The following GAREM1 variants were observed in gnomAD, a reference collection of about 807,000 sequenced individuals.
GAREM1 encodes GRB2-associated and regulator of MAPK protein 1.
GAREM1 carries 26 observed loss-of-function variants against 71.3 expected under a neutral mutation model. The observed-to-expected ratio is 0.36, with a 90% CI of 0.27 to 0.51. The LOEUF is 0.51. GAREM1 is among the 20% of genes least tolerant of loss of function. The pLI is 0.95. For synonymous variants in GAREM1, 440 were observed against 433.2 expected (o/e 1.02, Z -0.20); for missense variants, 1,026 against 1,103.1 (o/e 0.93, Z 0.99).
chr18:32,276,517 C>T (rs1387210316), intron 4 of GAREM1, among the ~76,000 whole-genome samples: 1 of 152,076 alleles, frequency 6.6e-6, no homozygotes, highest in Non-Finnish European at 1.5e-5. Flanking sequence ...CAAGTATGTG[C>T]AAGGTTCATG....
intron 2 of GAREM1, among the ~76,000 whole-genome samples, chr18:32,346,054 T>C (rs1011213349): frequency 2.0e-5 from 3 of 152,326 alleles, no homozygotes; most frequent in African/African-American, 7.2e-5. Context: ...TACTTGAATA[T>C]ATCACGTATA....
At chr18:32,362,548 C>G (rs1398893873) in intron 2 of GAREM1, among the ~76,000 whole-genome samples, 2 of 152,136 alleles carry the variant, frequency 1.3e-5, no homozygotes, top group African/African-American at 4.8e-5. Flanking sequence ...AGAGAAGTTC[C>G]TGGGAACCAT....
At chr18:32,380,121 T>A (rs1186397201) in intron 2 of GAREM1, among the ~76,000 whole-genome samples, 2 of 152,166 alleles carry the variant, frequency 1.3e-5, no homozygotes, top group Non-Finnish European at 2.9e-5. Flanking sequence ...GAAAGTAATG[T>A]CGATTAATAA....
chr18:32,411,328 C>A (rs931516240), intron 1 of GAREM1, among the ~76,000 whole-genome samples: 1 of 152,126 alleles, frequency 6.6e-6, no homozygotes, highest in Admixed American at 6.5e-5. Context: ...AGCCACAAGT[C>A]AAACGTTAGG....
chr18:32,308,016 G>T (rs1301461576), intron 3 of GAREM1, among the ~76,000 whole-genome samples: 1 of 152,026 alleles, frequency 6.6e-6, no homozygotes, highest in Non-Finnish European at 1.5e-5. Flanking sequence ...ATCCTTCTTT[G>T]AACAGAATTG....
chr18:32,339,768 GA>G (rs1313287363), intron 2 of GAREM1, among the ~76,000 whole-genome samples: 1 of 152,216 alleles, frequency 6.6e-6, no homozygotes, highest in African/African-American at 2.4e-5. Context: ...TCAAAATCCA[GA>G]AAGTAATATA....
intron 1 of GAREM1, among the ~76,000 whole-genome samples, chr18:32,451,248 T>TCCCCCCCC (rs1164223308): frequency 5.5e-4 from 56 of 102,404 alleles, no homozygotes; most frequent in African/African-American, 1.1e-3. Context: ...AGAGCCCCCA[T>TCCCCCCCC]CCCCCCACCC....
In GAREM1 at chr18:32,401,128, G is replaced by C. The variant is rs549726177; in HGVS notation, c.122-8093C>G. 5.3e-5 allele frequency among the ~76,000 whole-genome samples: 8 copies of C among 152,128 alleles called. No homozygotes were observed. In the South Asian group the frequency reaches 1.5e-3, roughly 28 times the overall value. On this transcript the variant is annotated intron_variant, in intron 1 of 5. Transcript: ENST00000269209. The stretch of plus-strand genomic sequence containing the variant: ...CTCATAGGTAGGAACTGAACAATGA[G>C]AACACCTGGACACAGCAAGGGGAAC...
intron 2 of GAREM1, among the ~76,000 whole-genome samples, chr18:32,314,595 T>TTC (rs2047357838): frequency 6.7e-6 from 1 of 150,292 alleles, no homozygotes; most frequent in South Asian, 2.1e-4. Context: ...TTGTTGTTGT[T>TTC]TTTTTTTTTT....
intron 4 of GAREM1, among the ~76,000 whole-genome samples, chr18:32,280,838 C>T (rs2046944126): frequency 6.6e-6 from 1 of 152,144 alleles, no homozygotes; most frequent in Admixed American, 6.5e-5. Flanking sequence ...GCTGGCTCTG[C>T]CCATCTGCTG....
chr18:32,323,690 C>T (rs2047450549), intron 2 of GAREM1, among the ~76,000 whole-genome samples: 1 of 152,198 alleles, frequency 6.6e-6, no homozygotes, highest in South Asian at 2.1e-4. Context: ...GCCTGGGCGA[C>T]AGAGTAAGAC....
chr18:32,461,555 T>C (rs1449533890), intron 1 of GAREM1, among the ~76,000 whole-genome samples: 1 of 151,594 alleles, frequency 6.6e-6, no homozygotes, highest in Non-Finnish European at 1.5e-5. Context: ...ATTAGGCAGG[T>C]GTGGTGGCAA....
chr18:32,328,603 C>T (rs902582075), intron 2 of GAREM1, among the ~76,000 whole-genome samples: 11 of 151,950 alleles, frequency 7.2e-5, no homozygotes, highest in African/African-American at 1.7e-4. Context: ...GAATAAATGA[C>T]GTTAGAGAGG....
At chr18:32,332,366 C>T (rs1265319818) in intron 2 of GAREM1, among the ~76,000 whole-genome samples, 2 of 151,932 alleles carry the variant, frequency 1.3e-5, no homozygotes, top group East Asian at 1.9e-4. Flanking sequence ...ACACCAGAGA[C>T]GCAGCCCAGC....
chr18:32,468,761 G>A (rs1452364930), intron 1 of GAREM1, among the ~76,000 whole-genome samples: 2 of 152,154 alleles, frequency 1.3e-5, no homozygotes, highest in African/African-American at 4.8e-5. Context: ...GCTAGCAAAT[G>A]TGGCAGTGTG....
intron 2 of GAREM1, among the ~76,000 whole-genome samples, chr18:32,325,880 G>T (rs1353634993): frequency 6.6e-6 from 1 of 152,320 alleles, no homozygotes; most frequent in East Asian, 1.9e-4. Context: ...AAACATATAT[G>T]AAGGGCTTAA....
At chr18:32,425,590 C>G (rs887042204) in intron 1 of GAREM1, among the ~76,000 whole-genome samples, 5 of 152,020 alleles carry the variant, frequency 3.3e-5, no homozygotes, top group Non-Finnish European at 7.4e-5. Context: ...AAGAATAGTG[C>G]GAGATAAAAA....
chr18:32,375,207 T>C (rs2048020914), intron 2 of GAREM1, among the ~76,000 whole-genome samples: 1 of 152,022 alleles, frequency 6.6e-6, no homozygotes, highest in Non-Finnish European at 1.5e-5. Flanking sequence ...AGGAACTGAG[T>C]TTTAGAAACA....
intron 1 of GAREM1, among the ~76,000 whole-genome samples, chr18:32,445,923 T>C (rs529564303): frequency 6.6e-6 from 1 of 152,302 alleles, no homozygotes; most frequent in East Asian, 1.9e-4. Context: ...ATTATTTCAG[T>C]AGCAGAACCA....
Sources: gnomAD v4.1 joint callset for allele counts (sites outside exome capture counted in the v4.1 genomes callset) on GRCh38, gnomAD v4.1.1 for gene constraint, MANE v1.5 for transcripts, NCBI Gene and HGNC (gene_info 2026-07-23, HGNC 2026-07-21) for gene names.